Variants in STARD13 observed in about 807,000 individuals in gnomAD.
STARD13 encodes the protein stAR-related lipid transfer protein 13.
STARD13 carries 62 observed loss-of-function variants against 106.4 expected under a neutral mutation model. That is an observed-to-expected ratio of 0.58 (90% confidence interval 0.48 to 0.72). The LOEUF is 0.72. STARD13 is among the 30% of genes least tolerant of loss of function. STARD13 has a pLI of 0.00. For synonymous variants in STARD13, 565 were observed against 553.0 expected, an observed-to-expected ratio of 1.02 and a Z score of -0.31; for missense variants, 1,387 against 1,424.0, an observed-to-expected ratio of 0.97 and a Z score of 0.42.
intron 1 of STARD13, among the ~76,000 whole-genome samples, chr13:33,272,282 G>A (rs574366156): frequency 1.7e-3 from 259 of 152,220 alleles, no homozygotes; most frequent in African/African-American, 5.8e-3. Flanking sequence ...CCCCAAATCC[G>A]AAATCCAAAA....
At chr13:33,666,284 AT>A in the STARD13 span, among the ~76,000 whole-genome samples, 545 of 151,930 alleles carry the variant, frequency 3.6e-3, 6 homozygotes, top group South Asian at 0.022. Flanking sequence ...GCTGGAAATA[AT>A]TTTTTTTGTT....
At chr13:33,199,200 A>C (rs973690672) in intron 1 of STARD13, among the ~76,000 whole-genome samples, 40 of 152,362 alleles carry the variant, frequency 2.6e-4, no homozygotes, top group African/African-American at 9.4e-4. Context: ...ATTGGATTTA[A>C]ATATGTGCCC....
the STARD13 span, among the ~76,000 whole-genome samples, chr13:33,630,820 A>G: frequency 6.6e-6 from 1 of 152,150 alleles, no homozygotes; most frequent in East Asian, 1.9e-4. Flanking sequence ...ACCTTCCCTC[A>G]TCATCTCCTT....
At chr13:33,582,231 AG>A in the STARD13 span, among the ~76,000 whole-genome samples, 247 of 141,724 alleles carry the variant, frequency 1.7e-3, 3 homozygotes, top group African/African-American at 6.2e-3. Context: ...CAAAAAAAAA[AG>A]AAAAAAAAGA....
chr13:33,264,567 C>T lies in STARD13; in HGVS notation c.169+20903G>A, dbSNP rs138554593. ...AGAAGGGTTGCAGAGGTTATGACCT[C>T]TTCCATGCCACCCATGAACAGAATG... On this transcript the variant is annotated intron_variant, in intron 1 of 13. Coordinates refer to ENST00000336934, the MANE Select transcript of STARD13 (RefSeq NM_178006.4). Among the ~76,000 whole-genome samples, 105 of 152,318 alleles carry T rather than the reference C, an allele frequency of 6.9e-4. 1 individual carries two copies. In the East Asian group the frequency reaches 0.012, roughly 18 times the overall value.
intron 7 of STARD13, among the ~76,000 whole-genome samples, chr13:33,121,669 C>CTTTTTTTTTTTTTTTTT: frequency 9.1e-6 from 1 of 110,480 alleles, no homozygotes; most frequent in Non-Finnish European, 1.7e-5. Flanking sequence ...GTTGTTCATC[C>CTTTTTTTTTTTTTTTTT]TTTTTTTTTT....
upstream of STARD13, among the ~76,000 whole-genome samples, chr13:33,354,330 C>G (rs1385169993): frequency 6.6e-6 from 1 of 152,202 alleles, no homozygotes; most frequent in Non-Finnish European, 1.5e-5. Flanking sequence ...TTGTTCTTCA[C>G]TCATCCTTCG....
chr13:33,590,409 T>C, the STARD13 span, among the ~76,000 whole-genome samples: 3 of 152,012 alleles, frequency 2.0e-5, no homozygotes, highest in South Asian at 2.1e-4. Context: ...CATATGTTTA[T>C]TGCGGCACTA....
At chr13:33,225,674 T>G (rs190410644) in intron 1 of STARD13, among the ~76,000 whole-genome samples, 44 of 152,296 alleles carry the variant, frequency 2.9e-4, no homozygotes, top group African/African-American at 1.0e-3. Flanking sequence ...CTTTCTCATT[T>G]CCTTGGCACA....
chr13:33,264,625 A>G (rs1396666088), intron 1 of STARD13, among the ~76,000 whole-genome samples: 2 of 152,222 alleles, frequency 1.3e-5, no homozygotes, highest in African/African-American at 4.8e-5. Flanking sequence ...AATTGCATTG[A>G]CATATAAATA....
At chr13:33,209,480 G>A (rs1380762830) in intron 1 of STARD13, among the ~76,000 whole-genome samples, 1 of 149,504 alleles carries the variant, frequency 6.7e-6, no homozygotes, top group African/African-American at 2.5e-5. Flanking sequence ...CCAAATTCCA[G>A]GGCCTAAGAA....
chr13:33,283,357 G>T (rs1212260783), intron 1 of STARD13, among the ~76,000 whole-genome samples: 1 of 152,178 alleles, frequency 6.6e-6, no homozygotes, highest in East Asian at 1.9e-4. Flanking sequence ...TCAAGTATCA[G>T]TTCCTACTGG....
At chr13:33,124,423 A>T (rs75911712) in intron 7 of STARD13, among the ~76,000 whole-genome samples, 1 of 152,186 alleles carries the variant, frequency 6.6e-6, no homozygotes, top group Admixed American at 6.5e-5. Flanking sequence ...ATCAGTATTT[A>T]TATCTTGAAA....
upstream of STARD13, chr13:33,350,747 C>G (rs1192910638): frequency 1.6e-5 from 14 of 857,560 alleles, no homozygotes; most frequent in Admixed American, 7.6e-4. Flanking sequence ...CTGGCTGCCT[C>G]GCGCCCCACT....
At chr13:33,660,416 C>G in the STARD13 span, among the ~76,000 whole-genome samples, 1 of 152,326 alleles carries the variant, frequency 6.6e-6, no homozygotes, top group Non-Finnish European at 1.5e-5. Flanking sequence ...GTTGCCAAAT[C>G]TTACATTTTG....
intron 7 of STARD13, among the ~76,000 whole-genome samples, chr13:33,123,055 CA>C (rs71071079): frequency 0.027 from 1,217 of 45,742 alleles, 11 homozygotes; most frequent in African/African-American, 0.097. Flanking sequence ...GACTCCATCT[CA>C]AAAAAAAAAA....
At chr13:33,197,946 G>A (rs557289277) in intron 1 of STARD13, among the ~76,000 whole-genome samples, 5 of 152,164 alleles carry the variant, frequency 3.3e-5, no homozygotes, top group South Asian at 2.1e-4. Flanking sequence ...CGAGATGGGC[G>A]GATCATGAGG....
At chr13:33,326,951 C>G (rs2077782697) in intron 1 of STARD13, among the ~76,000 whole-genome samples, 1 of 152,148 alleles carries the variant, frequency 6.6e-6, no homozygotes, top group Admixed American at 6.5e-5. Flanking sequence ...AGTTCCTAAG[C>G]CTGTGTGAAC....
intron 7 of STARD13, among the ~76,000 whole-genome samples, chr13:33,125,712 A>C (rs1046873268): frequency 1.3e-5 from 2 of 152,180 alleles, no homozygotes; most frequent in Non-Finnish European, 2.9e-5. Context: ...TTCAAAAATA[A>C]TAGGGATAAA....
Sources: gnomAD v4.1 joint callset for allele counts (sites outside exome capture counted in the v4.1 genomes callset) on GRCh38, gnomAD v4.1.1 for gene constraint, MANE v1.5 for transcripts, NCBI Gene and HGNC (gene_info 2026-07-23, HGNC 2026-07-21) for gene names.